The following RAD51B variants were observed in gnomAD, a reference collection of about 807,000 sequenced individuals.
RAD51B encodes the protein RAD51 paralog B, also known as DNA repair protein RAD51 homolog 2.
In RAD51B, 38 loss-of-function variants were observed where a neutral mutation model predicts 42.2. The ratio of observed to expected loss-of-function variants is 0.90; its 90% CI spans 0.70 to 1.18. The LOEUF (loss-of-function observed/expected upper bound fraction) is 1.18, where lower values mean the gene tolerates loss of function less well. Ranked by LOEUF, RAD51B falls within the 50% of genes most tolerant of loss-of-function variation. RAD51B has a pLI of 0.00. For synonymous variants in RAD51B, 154 were observed against 145.2 expected (o/e 1.06, Z -0.43); for missense variants, 373 against 400.7 (o/e 0.93, Z 0.59).
chr14:67,883,406 A>G (rs1324525891), intron 5 of RAD51B, among the ~76,000 whole-genome samples: 1 of 146,650 alleles, frequency 6.8e-6, no homozygotes, highest in Non-Finnish European at 1.5e-5. Context: ...GTTTTCTTTT[A>G]TTCTCCCTCT....
chr14:68,398,428 G>C (rs2083989439), intron 8 of RAD51B, among the ~76,000 whole-genome samples: 1 of 152,156 alleles, frequency 6.6e-6, no homozygotes, highest in African/African-American at 2.4e-5. Context: ...AACTCTGAAA[G>C]CTGACCCTTG....
intron 10 of RAD51B, among the ~76,000 whole-genome samples, chr14:68,640,634 A>G (rs1892441017): frequency 6.6e-6 from 1 of 152,214 alleles, no homozygotes; most frequent in South Asian, 2.1e-4. Context: ...TGATAGTAGT[A>G]TTTTTAGAAG....
At chr14:68,561,062 C>T (rs1366289906) in intron 10 of RAD51B, among the ~76,000 whole-genome samples, 1 of 152,120 alleles carries the variant, frequency 6.6e-6, no homozygotes, top group Non-Finnish European at 1.5e-5. Flanking sequence ...CTAGGAGTTC[C>T]AAATGGTTTG....
chr14:67,841,187 A>T (rs1391642074), intron 4 of RAD51B, among the ~76,000 whole-genome samples: 8 of 152,140 alleles, frequency 5.3e-5, no homozygotes, highest in Admixed American at 3.3e-4. Flanking sequence ...ATGATTAGGG[A>T]TGTTGAGCAT....
intron 8 of RAD51B, among the ~76,000 whole-genome samples, chr14:68,388,020 A>C (rs2083639505): frequency 6.7e-6 from 1 of 149,694 alleles, no homozygotes; most frequent in African/African-American, 2.5e-5. Flanking sequence ...TCATGTGCCT[A>C]CTGGAAAATT....
chr14:67,995,799 A>G (rs58081657), intron 7 of RAD51B, among the ~76,000 whole-genome samples: 3 of 151,662 alleles, frequency 2.0e-5, no homozygotes, highest in African/African-American at 4.8e-5. Flanking sequence ...TTGTATTTTT[A>G]GTAGAGACGA....
At chr14:68,162,049 G>C (rs1162334196) in intron 7 of RAD51B, among the ~76,000 whole-genome samples, 1 of 152,134 alleles carries the variant, frequency 6.6e-6, no homozygotes, top group East Asian at 1.9e-4. Context: ...TGTCAGTAGT[G>C]GTAAGGTTAA....
At chr14:68,248,047 C>T (rs2080537272) in intron 7 of RAD51B, among the ~76,000 whole-genome samples, 1 of 152,188 alleles carries the variant, frequency 6.6e-6, no homozygotes, top group Non-Finnish European at 1.5e-5. Context: ...AGAGATATTG[C>T]ACAACTCACC....
intron 11 of RAD51B, among the ~76,000 whole-genome samples, chr14:68,675,394 GGGCATGAGAC>G (rs1312207497): frequency 6.6e-6 from 1 of 152,070 alleles, no homozygotes; most frequent in Non-Finnish European, 1.5e-5. Context: ...CCAGGCAAAT[GGGCATGAGAC>G]GGCCCTCCTA....
chr14:67,881,486 C>T (rs967278625), intron 5 of RAD51B, among the ~76,000 whole-genome samples: 1 of 152,108 alleles, frequency 6.6e-6, no homozygotes, highest in African/African-American at 2.4e-5. Flanking sequence ...TTGCAGTGCT[C>T]ACTCTGCACA....
intron 8 of RAD51B, among the ~76,000 whole-genome samples, chr14:68,398,430 T>A: frequency 6.6e-6 from 1 of 152,154 alleles, no homozygotes; most frequent in African/African-American, 2.4e-5. Flanking sequence ...CTCTGAAAGC[T>A]GACCCTTGTT....
intron 11 of RAD51B, among the ~76,000 whole-genome samples, chr14:68,655,193 C>G (rs1178187029): frequency 6.6e-6 from 1 of 151,918 alleles, no homozygotes; most frequent in African/African-American, 2.4e-5. Flanking sequence ...CTCAGGAGCC[C>G]GGTGCTGATG....
intron 7 of RAD51B, among the ~76,000 whole-genome samples, chr14:68,246,212 C>G (rs866822090): frequency 4.0e-5 from 6 of 151,568 alleles, no homozygotes; most frequent in African/African-American, 1.2e-4. Context: ...TCCATGAAGC[C>G]TCCTGGCTCT....
intron 7 of RAD51B, among the ~76,000 whole-genome samples, chr14:68,271,983 G>A (rs2081113429): frequency 6.6e-6 from 1 of 152,212 alleles, no homozygotes; most frequent in African/African-American, 2.4e-5. Context: ...ATCTTTGTGA[G>A]ATACTTGTTT....
intron 10 of RAD51B, among the ~76,000 whole-genome samples, chr14:68,492,542 G>A (rs912812878): frequency 1.3e-5 from 2 of 152,148 alleles, no homozygotes; most frequent in African/African-American, 2.4e-5. Flanking sequence ...ATCTCTCTAC[G>A]AGCAAGTGCA....
chr14:68,662,023 C>T (rs768855705), intron 11 of RAD51B, among the ~76,000 whole-genome samples: 3 of 152,236 alleles, frequency 2.0e-5, no homozygotes, highest in Non-Finnish European at 2.9e-5. Flanking sequence ...AGTCCCCTCC[C>T]CCATCCCCAT....
At position 68,291,969 on chromosome 14, in the gene RAD51B, C is replaced by T; in HGVS notation, c.842C>T (p.Ser281Phe). 1.9e-6 allele frequency: 3 copies of T among 1,612,676 alleles called. No individual in the cohort carries two copies. Among genetic ancestry groups the T allele is most frequent in the Non-Finnish European group, 2.5e-6 (3 of 1,178,746 alleles). ...CTGGTGTCTCCAGCTGATGATTTGT[C>T]CCTGTCTGAAGGTAAGGAATCTGTC... Reference protein sequence around the residue: ...ADLVSPADDLSLSEGTSGSSC... With the variant: ...ADLVSPADDLFLSEGTSGSSC... The change falls in exon 8 of 11, where the codon TCC becomes TTC. Residue 281 changes from serine to phenylalanine, a missense_variant. Transcript: ENST00000471583.
intron 11 of RAD51B, among the ~76,000 whole-genome samples, chr14:68,678,108 T>TA (rs1893351347): frequency 6.6e-6 from 1 of 152,184 alleles, no homozygotes; most frequent in South Asian, 2.1e-4. Context: ...GACTCAGAGA[T>TA]AAAATAACTT....
rs374423331 is a variant in RAD51B at position 68,518,564 on chromosome 14, C to G, written c.1036+50314C>G. On this transcript the variant is annotated intron_variant, in intron 10 of 10. Coordinates refer to the RAD51B transcript ENST00000487270. Reference sequence around the variant, plus strand: ...CCCCAGGTCATATGAGCCCCCCCCCCAGGCCTCCCCCATCCACTTTCATCC... The same window carrying G: ...CCCCAGGTCATATGAGCCCCCCCCCGAGGCCTCCCCCATCCACTTTCATCC... 2.9e-5 allele frequency among the ~76,000 whole-genome samples: 4 copies of G among 136,914 alleles called. No individual in the cohort carries two copies. In the South Asian group the frequency reaches 7.1e-4, roughly 24 times the overall value. The allele number at this position is 136,914 out of a possible 152,430, so 89.8% of individuals were successfully genotyped here. A position where few individuals can be genotyped will look rare whatever the true frequency, so the allele number is the denominator to read the frequency against.
Sources: gnomAD v4.1 joint callset for allele counts (sites outside exome capture counted in the v4.1 genomes callset) on GRCh38, gnomAD v4.1.1 for gene constraint, MANE v1.5 for transcripts, NCBI Gene and HGNC (gene_info 2026-07-23, HGNC 2026-07-21) for gene names.